Variants in ADARB2 observed in about 807,000 individuals in gnomAD.
The protein encoded by ADARB2 is adenosine deaminase RNA specific B2 (inactive).
ADARB2 carries 25 observed loss-of-function variants against 62.2 expected under a neutral mutation model. That is an observed-to-expected ratio of 0.40 (90% confidence interval 0.29 to 0.56). ADARB2 has a LOEUF of 0.56. Ranked by LOEUF, ADARB2 falls within the 20% of genes least tolerant of loss-of-function variation. ADARB2 has a pLI of 0.43. For synonymous variants in ADARB2, 572 were observed against 500.8 expected (o/e 1.14, Z -1.90); for missense variants, 1,071 against 1,077.4 (o/e 0.99, Z 0.08).
chr10:1,271,181 G>T, intron 3 of ADARB2, 112 bp from the exon 4 acceptor site: 1 of 804,440 alleles, frequency 1.2e-6, no homozygotes. Flanking sequence ...CCACACATGG[G>T]CCTGCTCTCC....
chr10:1,256,842 C>T (rs143249452), intron 4 of ADARB2, among the ~76,000 whole-genome samples: 55 of 152,280 alleles, frequency 3.6e-4, no homozygotes, highest in African/African-American at 1.2e-3. Context: ...GCTGAGCAAG[C>T]TCTTCACCCC....
At chr10:1,440,382 A>G (rs938311701) in intron 1 of ADARB2, among the ~76,000 whole-genome samples, 3 of 151,030 alleles carry the variant, frequency 2.0e-5, no homozygotes, top group African/African-American at 7.3e-5. Flanking sequence ...CTAATATTAT[A>G]TCTCCAGTCC....
chr10:1,517,520 T>C (rs954156668), intron 1 of ADARB2, among the ~76,000 whole-genome samples: 6 of 152,214 alleles, frequency 3.9e-5, no homozygotes, highest in African/African-American at 1.4e-4. Context: ...TTGCTCTCTT[T>C]CGTATATTGG....
chr10:1,619,289 T>TAAAAAAAAA (rs59098282), intron 1 of ADARB2, among the ~76,000 whole-genome samples: 7 of 115,750 alleles, frequency 6.0e-5, no homozygotes, highest in Non-Finnish European at 9.4e-5. Flanking sequence ...ACATTGAAAG[T>TAAAAAAAAA]AAAAAAAAAA....
intron 1 of ADARB2, among the ~76,000 whole-genome samples, chr10:1,539,102 G>A (rs1168663615): frequency 4.6e-5 from 7 of 152,200 alleles, no homozygotes; most frequent in Admixed American, 1.3e-4. Flanking sequence ...AGACTGTAGC[G>A]GAGGGGAGGC....
At chr10:1,494,881 C>T (rs980917358) in intron 1 of ADARB2, among the ~76,000 whole-genome samples, 2 of 152,160 alleles carry the variant, frequency 1.3e-5, no homozygotes, top group African/African-American at 4.8e-5. Context: ...GATGAACCAT[C>T]ACCCATTCTC....
chr10:1,464,567 G>A (rs867324651), intron 1 of ADARB2, among the ~76,000 whole-genome samples: 2 of 66,966 alleles, frequency 3.0e-5, no homozygotes, highest in African/African-American at 5.0e-5. Context: ...CAGTCACAGC[G>A]GGCAGTGCAC....
At chr10:1,273,416 G>A (rs1831283536) in intron 3 of ADARB2, among the ~76,000 whole-genome samples, 1 of 152,150 alleles carries the variant, frequency 6.6e-6, no homozygotes, top group Non-Finnish European at 1.5e-5. Context: ...TCCAGCCACT[G>A]GGCCAGGCCC....
chr10:1,273,750 G>A (rs1007409697), intron 3 of ADARB2, among the ~76,000 whole-genome samples: 1 of 152,202 alleles, frequency 6.6e-6, no homozygotes, highest in East Asian at 1.9e-4. Context: ...CATGACAGAC[G>A]GTGAAGGTGA....
chr10:1,187,015 C>A (rs73588415), intron 8 of ADARB2, among the ~76,000 whole-genome samples: 5,154 of 152,344 alleles, frequency 0.034, 258 homozygotes, highest in African/African-American at 0.11. Context: ...ATCCACGAGC[C>A]TGAGCTCTGT....
At chr10:1,692,198 C>A (rs926011124) in intron 1 of ADARB2, among the ~76,000 whole-genome samples, 1 of 152,220 alleles carries the variant, frequency 6.6e-6, no homozygotes, top group African/African-American at 2.4e-5. Context: ...CACCTAAAAG[C>A]ATCACATGGA....
chr10:1,296,714 A>G (rs965847637), intron 3 of ADARB2, among the ~76,000 whole-genome samples: 2 of 152,332 alleles, frequency 1.3e-5, no homozygotes, highest in Non-Finnish European at 2.9e-5. Context: ...GGACACAATC[A>G]AGTGTGGAAA....
At chr10:1,498,513 T>C (rs1831721570) in intron 1 of ADARB2, among the ~76,000 whole-genome samples, 1 of 152,108 alleles carries the variant, frequency 6.6e-6, no homozygotes, top group Admixed American at 6.5e-5. Flanking sequence ...CACTGATACA[T>C]TTATAAACAA....
At position 1,591,662 on chromosome 10, in the gene ADARB2, C is replaced by CACAT. The variant is rs1396427337; in HGVS notation, c.100+145388_100+145389insATGT. On this transcript the variant is annotated intron_variant, in intron 1 of 9. Transcript: ENST00000381312. ...TCTTACACACAGAGGCGTGCACGCA[C>CACAT]ACACACACACACACACGCACACACT... 1.4e-3 allele frequency among the ~76,000 whole-genome samples: 207 copies of CACAT among 146,512 alleles called. 1 individual carries two copies. Among genetic ancestry groups the CACAT allele is most frequent in the African/African-American group, 5.5e-3 (202 of 37,006 alleles).
intron 1 of ADARB2, among the ~76,000 whole-genome samples, chr10:1,568,518 A>C (rs1392860904): frequency 6.6e-6 from 1 of 152,168 alleles, no homozygotes; most frequent in Admixed American, 6.5e-5. Context: ...TAGTTTAAAA[A>C]ATACCAAAAA....
chr10:1,345,067 G>A (rs937580699), intron 3 of ADARB2, among the ~76,000 whole-genome samples: 2 of 151,712 alleles, frequency 1.3e-5, no homozygotes, highest in African/African-American at 4.8e-5. Flanking sequence ...GAGCCAGGAG[G>A]GCACGTGGAG....
intron 1 of ADARB2, among the ~76,000 whole-genome samples, chr10:1,513,177 G>T (rs923475608): frequency 6.6e-6 from 1 of 152,128 alleles, no homozygotes; most frequent in African/African-American, 2.4e-5. Context: ...ACATCGTGTT[G>T]TACACCTTAG....
rs1471765480 is a variant in ADARB2, at chr10:1,737,453, C to T, written c.-303G>A. 7.4e-6 allele frequency: 3 copies of T among 403,114 alleles called. No homozygotes were observed. The highest frequency in any genetic ancestry group is 4.1e-5 in the African/African-American group (2 of 49,216). 25.0% of individuals were successfully genotyped at this position (403,114 alleles called of 1,614,324 possible). ...GCTCCGAGCTTCCCGCGGGCTCTGC[C>T]TCCTGCTCTGGGCTCCCAGCGCAGG... On this transcript the variant is annotated 5_prime_UTR_variant, in exon 1 of 10. Coordinates refer to ENST00000381312, the MANE Select transcript of ADARB2 (RefSeq NM_018702.4).
At chr10:1,539,430 C>G (rs964459758) in intron 1 of ADARB2, among the ~76,000 whole-genome samples, 2 of 152,148 alleles carry the variant, frequency 1.3e-5, no homozygotes, top group African/African-American at 4.8e-5. Context: ...GCCTGGCTTC[C>G]AAGGCTACAG....
Sources: gnomAD v4.1 joint callset for allele counts (sites outside exome capture counted in the v4.1 genomes callset) on GRCh38, gnomAD v4.1.1 for gene constraint, MANE v1.5 for transcripts, NCBI Gene and HGNC (gene_info 2026-07-23, HGNC 2026-07-21) for gene names.